Variants in TOGARAM2 observed in about 807,000 individuals in gnomAD.
TOGARAM2 encodes TOG array regulator of axonemal microtubules 2, also known as TOG array regulator of axonemal microtubules protein 2.
In TOGARAM2, 85 loss-of-function variants were observed where a neutral mutation model predicts 93.3. That is an observed-to-expected ratio of 0.91 (90% CI 0.76 to 1.09). The LOEUF (loss-of-function observed/expected upper bound fraction) is 1.09. Ranked by LOEUF, TOGARAM2 falls within the 50% of genes least tolerant of loss-of-function variation. The pLI, the probability that TOGARAM2 is intolerant of heterozygous loss-of-function variation, is 0.00. For missense variants in TOGARAM2, 1,277 were observed against 1,334.5 expected (o/e 0.96, Z 0.67); for synonymous variants, 593 against 552.8 (o/e 1.07, Z -1.02).
chr2:28,999,640 G>A (rs1248994278), intron 4 of TOGARAM2, among the ~76,000 whole-genome samples, 172 bp downstream of exon 4: 3 of 152,190 alleles, frequency 2.0e-5, no homozygotes, highest in Non-Finnish European at 4.4e-5. Flanking sequence ...CCTCCTTGGA[G>A]CTGAGCCTCC....
chr2:29,007,706 G>A (rs1663968439), intron 6 of TOGARAM2, among the ~76,000 whole-genome samples: 1 of 152,076 alleles, frequency 6.6e-6, no homozygotes, highest in Non-Finnish European at 1.5e-5. Context: ...TTTGTGTCAA[G>A]GACCCAGGCG....
At chr2:28,990,244 G>T (rs1356147689) in intron 1 of TOGARAM2, among the ~76,000 whole-genome samples, 1 of 152,134 alleles carries the variant, frequency 6.6e-6, no homozygotes. Context: ...TCTGTGCCTG[G>T]TCCAGAGGCT....
At position 29,022,305 on chromosome 2, in the gene TOGARAM2, A is replaced by G; in HGVS notation, c.1508A>G (p.Asp503Gly). 6.2e-7 allele frequency: 1 copy of G among 1,613,868 alleles called. No homozygotes were observed. The highest frequency in any genetic ancestry group is 1.1e-5 in the South Asian group (1 of 91,082). ...RDALQCLNSSDWQMKEKGLVS... is the reference protein window; with the variant it reads ...RDALQCLNSSGWQMKEKGLVS... Reference sequence around the variant, plus strand: ...GCACTCCAGTGCCTCAACAGCAGTGACTGGTGAGGAGATGCTTCCACCACG... The same window carrying G: ...GCACTCCAGTGCCTCAACAGCAGTGGCTGGTGAGGAGATGCTTCCACCACG... The change falls in exon 11 of 20, where the codon GAC becomes GGC. Residue 503 changes from aspartate to glycine, a missense_variant. Transcript: ENST00000379558.
intron 19 of TOGARAM2, 176 bp from the exon 20 acceptor site, chr2:29,051,577 TCTA>T (rs1667070869): frequency 1.9e-6 from 1 of 519,626 alleles, no homozygotes; most frequent in Non-Finnish European, 3.4e-6. Flanking sequence ...TCATATATTT[TCTA>T]CTAATGTTAA....
In TOGARAM2 at chr2:29,026,675, C is replaced by T. The variant is rs187804870; in HGVS notation, c.1854-178C>T. On this transcript the variant is annotated intron_variant, in intron 13 of 19. Transcript: ENST00000379558. ...CTCCCGTTGTTGCTGTCACCCTGTT[C>T]GTAGAAAGTGAGTGCTCTTTCCTCA... Among the ~76,000 whole-genome samples the T allele has an allele frequency of 3.8e-3, 584 of 152,276 alleles. 1 individual carries two copies. Among genetic ancestry groups the T allele is most frequent in the Non-Finnish European group, 5.7e-3 (385 of 68,020 alleles).
chr2:29,017,067 G>T (rs1295635623), intron 8 of TOGARAM2, 87 bp from the exon 9 acceptor site: 3 of 1,517,602 alleles, frequency 2.0e-6, no homozygotes, highest in African/African-American at 2.8e-5. Context: ...GACAGCAATT[G>T]GCACACAGTA....
chr2:29,033,713 T>C, intron 16 of TOGARAM2, 150 bp downstream of exon 16: 1 of 674,494 alleles, frequency 1.5e-6, no homozygotes, highest in Non-Finnish European at 2.5e-6. Flanking sequence ...AATAGATGAA[T>C]TTGCAGGATG....
chr2:28,962,487 G>A (rs969384425), intron 1 of TOGARAM2, among the ~76,000 whole-genome samples: 3 of 151,972 alleles, frequency 2.0e-5, no homozygotes, highest in East Asian at 3.9e-4. Context: ...ATATTTACTC[G>A]TGATTCTGGT....
At chr2:28,999,820 C>T (rs1673191961) in intron 4 of TOGARAM2, among the ~76,000 whole-genome samples, 1 of 152,232 alleles carries the variant, frequency 6.6e-6, no homozygotes, top group Non-Finnish European at 1.5e-5. Flanking sequence ...CCCAAATGTT[C>T]CCTTATGCAC....
At position 29,014,387 on chromosome 2, in the gene TOGARAM2, C is replaced by T. The variant is rs1664426050; in HGVS notation, c.878-8C>T. 3 of 1,609,766 alleles carry T rather than the reference C, an allele frequency of 1.9e-6. No homozygotes were observed. The highest frequency in any genetic ancestry group is 2.2e-5 in the East Asian group (1 of 44,786). ...TCTTCAGCTCCACCCCTGTTCTCAACCCCTCAGAGCCAAAACCTTTGGCCT... is the reference window on the plus strand; with the variant it reads ...TCTTCAGCTCCACCCCTGTTCTCAATCCCTCAGAGCCAAAACCTTTGGCCT... On this transcript the variant is annotated splice_polypyrimidine_tract_variant and splice_region_variant and intron_variant, in intron 7 of 19. Coordinates refer to ENST00000379558, the MANE Select transcript of TOGARAM2 (RefSeq NM_199280.4).
chr2:29,015,082 G>A (rs1664478750), intron 8 of TOGARAM2, among the ~76,000 whole-genome samples: 1 of 152,208 alleles, frequency 6.6e-6, no homozygotes, highest in African/African-American at 2.4e-5. Context: ...TGAAGCTTGG[G>A]GAGTCACTGT....
Position 28,998,156 on chromosome 2 carries a change from C to T in TOGARAM2, c.42C>T (p.Val14=). The change falls in exon 3 of 20, where the codon GTC becomes GTT. Residue 14 remains valine, a synonymous_variant. Coordinates refer to ENST00000379558, the MANE Select transcript of TOGARAM2 (RefSeq NM_199280.4). ...TTCTGTCTCCAGCCAAGGTCCTGGT[C>T]CCCGTGGCCGTGTACTGCGGGAGCA... The part of the protein sequence containing the change: ...RDDVPEAKVL[V]PVAVYCGSIP... 1 of 1,606,934 alleles carries T rather than the reference C, an allele frequency of 6.2e-7. No homozygotes were observed. Among genetic ancestry groups the T allele is most frequent in the Non-Finnish European group, 8.5e-7 (1 of 1,176,930 alleles).
chr2:29,006,009 C>T (rs896171125), intron 6 of TOGARAM2, among the ~76,000 whole-genome samples: 21 of 41,904 alleles, frequency 5.0e-4, no homozygotes, highest in South Asian at 1.6e-3. Context: ...TGTATGTGTG[C>T]GTGTGTGTGT....
chr2:28,998,297 C>T, intron 3 of TOGARAM2, 44 bp downstream of exon 3: 2 of 1,424,658 alleles, frequency 1.4e-6, no homozygotes, highest in Admixed American at 2.0e-5. Flanking sequence ...CTGGCCTCAT[C>T]CTGGAGCGGG....
chr2:29,036,639 G>C lies in TOGARAM2; in HGVS notation c.2517G>C (p.Glu839Asp), dbSNP rs142594984. ...SFAKMIPLLR[E>D]SLHPMLLSII... is the part of the protein sequence containing the mutation. Reference sequence around the variant, plus strand: ...CCAAGATGATCCCCCTCCTCAGAGAGAGCTTACACCCCATGCTGCTCTCCA... The same window carrying C: ...CCAAGATGATCCCCCTCCTCAGAGACAGCTTACACCCCATGCTGCTCTCCA... Residue 839 changes from glutamate (E) to aspartate (D), a missense_variant, in exon 18 of 20, where the codon GAG becomes GAC. Coordinates refer to ENST00000379558, the MANE Select transcript of TOGARAM2 (RefSeq NM_199280.4). The C allele has an allele frequency of 4.5e-5, 73 of 1,613,998 alleles. No individual in the cohort carries two copies. In the South Asian group the frequency reaches 5.4e-4, roughly 12 times the overall value.
chr2:28,995,199 C>T (rs1455084524), intron 2 of TOGARAM2, among the ~76,000 whole-genome samples: 1 of 152,188 alleles, frequency 6.6e-6, no homozygotes, highest in East Asian at 1.9e-4. Context: ...ATGGGCCGGG[C>T]CCTCAGGGAG....
intron 6 of TOGARAM2, among the ~76,000 whole-genome samples, chr2:29,005,743 A>ATG (rs974665976): frequency 8.7e-5 from 1 of 11,528 alleles, no homozygotes; most frequent in African/African-American, 1.3e-4. Flanking sequence ...GAGCACATAT[A>ATG]TGTGTGTATG....
chr2:29,005,445 GTA>G (rs1383739892), intron 6 of TOGARAM2, among the ~76,000 whole-genome samples: 4 of 149,084 alleles, frequency 2.7e-5, no homozygotes, highest in Non-Finnish European at 4.4e-5. Flanking sequence ...GTGAGTGCAT[GTA>G]TGTGAGAGCA....
rs1251752339 is a variant in TOGARAM2, at chr2:29,002,756, G to T, written c.639+9G>T. ...GACCCGGTGCTCAGGAGGTAAGGTG[G>T]TTCGACTGCTGTGAGTCTGGTCCTC... On this transcript the variant is annotated intron_variant, in intron 5 of 19. Coordinates refer to ENST00000379558, the MANE Select transcript of TOGARAM2 (RefSeq NM_199280.4). The T allele has an allele frequency of 3.7e-6, 6 of 1,611,080 alleles. No individual in the cohort carries two copies. Among genetic ancestry groups the T allele is most frequent in the Non-Finnish European group, 5.1e-6 (6 of 1,178,592 alleles).
Sources: gnomAD v4.1 joint callset for allele counts (sites outside exome capture counted in the v4.1 genomes callset) on GRCh38, gnomAD v4.1.1 for gene constraint, MANE v1.5 for transcripts, NCBI Gene and HGNC (gene_info 2026-07-23, HGNC 2026-07-21) for gene names.